The following C5orf34 variants were observed in gnomAD, a reference collection of about 807,000 sequenced individuals.
C5orf34 encodes uncharacterized protein C5orf34.
A neutral mutation model predicts 78.4 loss-of-function variants in C5orf34; 73 were observed. The ratio of observed to expected loss-of-function variants is 0.93; its 90% confidence interval spans 0.77 to 1.13. C5orf34 has a LOEUF of 1.13. C5orf34 is among the 50% of genes most tolerant of loss of function. The pLI, the probability that C5orf34 is intolerant of heterozygous loss-of-function variation, is 0.00. For synonymous variants in C5orf34, 251 were observed against 246.6 expected (o/e 1.02, Z -0.17); for missense variants, 730 against 732.7 (o/e 1.00, Z 0.04).
intron 11 of C5orf34, among the ~76,000 whole-genome samples, chr5:43,488,619 G>GT (rs1476730454): frequency 3.3e-5 from 5 of 151,850 alleles, no homozygotes; most frequent in Non-Finnish European, 7.4e-5. Flanking sequence ...TTATTTCATT[G>GT]TTTTTTTAAG....
intron 5 of C5orf34, among the ~76,000 whole-genome samples, chr5:43,503,364 G>T (rs1305021113): frequency 6.6e-6 from 1 of 152,196 alleles, no homozygotes; most frequent in Admixed American, 6.5e-5. Context: ...ATGCTTGGAA[G>T]GAGTATCCTA....
At chr5:43,498,846 T>C (rs1745646971) in intron 6 of C5orf34, among the ~76,000 whole-genome samples, 1 of 152,248 alleles carries the variant, frequency 6.6e-6, no homozygotes, top group South Asian at 2.1e-4. Context: ...AGTTGTGAGC[T>C]GGCCATCTTA....
In C5orf34 at chr5:43,494,536, G is replaced by A. The variant is rs147140419; in HGVS notation, c.1218C>T (p.Val406=). ...PPDRPGSPFT[V]GSLIKQATRI... Reference sequence around the variant, plus strand: ...TTGTTGCCTGTTTAATTAGAGAACCGACAGTGAATGGACTTCCCGGTCTAT... The same window carrying A: ...TTGTTGCCTGTTTAATTAGAGAACCAACAGTGAATGGACTTCCCGGTCTAT... Residue 406 remains valine (V), a synonymous_variant, in exon 7 of 13, where the codon GTC becomes GTT. Coordinates refer to ENST00000306862, the MANE Select transcript of C5orf34 (RefSeq NM_198566.4). 3.2e-5 allele frequency: 52 copies of A among 1,605,890 alleles called. No individual in the cohort carries two copies. The highest frequency in any genetic ancestry group is 3.2e-4 in the Admixed American group (19 of 59,888).
chr5:43,505,719 T>A (rs1215692537), intron 4 of C5orf34, 29 bp downstream of exon 4: 5 of 1,508,830 alleles, frequency 3.3e-6, no homozygotes, highest in Non-Finnish European at 4.4e-6. Flanking sequence ...GATAAAAAGC[T>A]TCATGACCAA....
chr5:43,495,075 A>C (rs572476619), intron 6 of C5orf34: 43 of 1,490,600 alleles, frequency 2.9e-5, no homozygotes, highest in Non-Finnish European at 3.9e-5. Context: ...GATAATATTC[A>C]TTTAGCCTTC....
chr5:43,497,862 GCACTTT>G (rs913376066), intron 6 of C5orf34, among the ~76,000 whole-genome samples: 2 of 152,132 alleles, frequency 1.3e-5, no homozygotes, highest in African/African-American at 4.8e-5. Flanking sequence ...TTCAAAATTT[GCACTTT>G]CACTTTCTCT....
At chr5:43,503,954 CAAT>C (rs1350157053) in intron 4 of C5orf34, among the ~76,000 whole-genome samples, 194 bp from the exon 5 acceptor site, 2 of 151,822 alleles carry the variant, frequency 1.3e-5, no homozygotes, top group Non-Finnish European at 2.9e-5. Flanking sequence ...TCACTATTTT[CAAT>C]AATCTCATTA....
In C5orf34 at chr5:43,490,561, C is replaced by T; in HGVS notation, c.1679+70G>A. The T allele has an allele frequency of 1.6e-5, 16 of 993,376 alleles. 1 individual carries two copies. In the South Asian group the frequency reaches 2.2e-4, roughly 13 times the overall value. The allele number at this position is 993,376 out of a possible 1,614,324, so 61.5% of individuals were successfully genotyped here. On this transcript the variant is annotated intron_variant, in intron 11 of 12. Transcript: ENST00000306862. ...TTTTGGGGAAAAAAGTCTCAGTTTA[C>T]CATTTGACATTTTAATTTTTTTTAA...
chr5:43,503,588 T>C (rs1275938308), intron 5 of C5orf34, 77 bp downstream of exon 5: 2 of 954,876 alleles, frequency 2.1e-6, no homozygotes, highest in Non-Finnish European at 1.7e-6. Flanking sequence ...AGTCTGTCTA[T>C]AAGGCTCGTC....
At chr5:43,513,965 C>A (rs573596957) in intron 1 of C5orf34, among the ~76,000 whole-genome samples, 28 of 152,192 alleles carry the variant, frequency 1.8e-4, no homozygotes, top group Non-Finnish European at 2.8e-4. Context: ...GTAACAGTAT[C>A]TCTGGCATCT....
chr5:43,510,784 C>G (rs1746203191), intron 1 of C5orf34, among the ~76,000 whole-genome samples: 1 of 152,226 alleles, frequency 6.6e-6, no homozygotes, highest in Non-Finnish European at 1.5e-5. Context: ...GTGATCTCGG[C>G]TAGCTACAAC....
chr5:43,492,897 C>T lies in C5orf34; in HGVS notation c.1315-7G>A, dbSNP rs776336155. On this transcript the variant is annotated splice_polypyrimidine_tract_variant and splice_region_variant and intron_variant, in intron 8 of 12. Transcript: ENST00000306862. Reference sequence around the variant, plus strand: ...TATCATTTATCCCAGGTACCTAAAACCAAGTAAATAAAAATAGCAGGAAAT... The same window carrying T: ...TATCATTTATCCCAGGTACCTAAAATCAAGTAAATAAAAATAGCAGGAAAT... 13 of 1,557,450 alleles carry T rather than the reference C, an allele frequency of 8.3e-6. No homozygotes were observed. The highest frequency in any genetic ancestry group is 1.2e-5 in the South Asian group (1 of 85,902).
At chr5:43,512,614 G>A (rs1243995598) in intron 1 of C5orf34, among the ~76,000 whole-genome samples, 1 of 152,134 alleles carries the variant, frequency 6.6e-6, no homozygotes, top group East Asian at 1.9e-4. Context: ...GGCTGCCACA[G>A]TTTTCTTCTT....
intron 7 of C5orf34, 22 bp from the exon 8 acceptor site, chr5:43,493,634 C>T: frequency 1.4e-6 from 2 of 1,423,272 alleles, no homozygotes; most frequent in African/African-American, 1.5e-5. Context: ...AAAAATACTA[C>T]TTAAACATTT....
At chr5:43,499,412 C>T (rs1435489351) in intron 6 of C5orf34, among the ~76,000 whole-genome samples, 2 of 152,158 alleles carry the variant, frequency 1.3e-5, no homozygotes, top group Non-Finnish European at 2.9e-5. Context: ...GGTCCCAAAG[C>T]ACCAAGTTCT....
At chr5:43,509,446 C>T (rs1425814831) in intron 1 of C5orf34, 71 bp from the exon 2 acceptor site, 6 of 803,936 alleles carry the variant, frequency 7.5e-6, no homozygotes, top group Non-Finnish European at 9.3e-6. Flanking sequence ...AAAATAAGTG[C>T]GTGCATTTTC....
At chr5:43,513,033 T>C (rs1288464956) in intron 1 of C5orf34, among the ~76,000 whole-genome samples, 1 of 152,086 alleles carries the variant, frequency 6.6e-6, no homozygotes. Context: ...CCACCCGTTT[T>C]GGCCTCCCAA....
chr5:43,502,354 A>T lies in C5orf34; in HGVS notation c.1152+18T>A, dbSNP rs915219149. On this transcript the variant is annotated intron_variant, in intron 6 of 12. Coordinates refer to ENST00000306862, the MANE Select transcript of C5orf34 (RefSeq NM_198566.4). ...ATACAGCAAAACTCTTCTTGAGTTG[A>T]GTTCATTGTTGGCTTACCTTTCCTG... The T allele has an allele frequency of 3.1e-6, 5 of 1,610,188 alleles. No homozygotes were observed. The African/African-American group carries it at 5.3e-5, about 17-fold the overall frequency.
chr5:43,504,978 C>T lies in C5orf34; in HGVS notation c.932+770G>A, dbSNP rs1204265797. On this transcript the variant is annotated intron_variant, in intron 4 of 12. Coordinates refer to ENST00000306862, the MANE Select transcript of C5orf34 (RefSeq NM_198566.4). ...AATTTTACAAGTACTAGCTGTGTACCTTTCCTCAAGTTATTTAACATTTCT... is the reference window on the plus strand; with the variant it reads ...AATTTTACAAGTACTAGCTGTGTACTTTTCCTCAAGTTATTTAACATTTCT... 5.9e-5 allele frequency among the ~76,000 whole-genome samples: 9 copies of T among 152,140 alleles called. No individual in the cohort carries two copies. The East Asian group carries it at 1.7e-3, about 29-fold the overall frequency.
Sources: allele counts gnomAD v4.1 joint callset (sites outside exome capture counted in the v4.1 genomes callset), GRCh38; gene constraint gnomAD v4.1.1; transcripts MANE v1.5; gene names NCBI Gene and HGNC (gene_info 2026-07-23, HGNC 2026-07-21).